Variants in SGK3 observed in about 807,000 individuals in gnomAD.
The protein encoded by SGK3 is serine/threonine-protein kinase Sgk3.
A neutral mutation model predicts 68.5 loss-of-function variants in SGK3; 47 were observed. The ratio of observed to expected loss-of-function variants is 0.69; its 90% CI spans 0.54 to 0.87. The LOEUF is 0.87. Ranked by LOEUF, SGK3 falls within the 40% of genes least tolerant of loss-of-function variation. The pLI, the probability that SGK3 is intolerant of heterozygous loss-of-function variation, is 0.00. For synonymous variants in SGK3, 181 were observed against 189.1 expected (o/e 0.96, Z 0.35); for missense variants, 479 against 575.5 (o/e 0.83, Z 1.72).
intron 1 of SGK3, among the ~76,000 whole-genome samples, chr8:66,721,112 G>A (rs1804782464): frequency 6.6e-6 from 1 of 152,212 alleles, no homozygotes; most frequent in Admixed American, 6.5e-5. Flanking sequence ...ATCATAGGCT[G>A]TCTCAGAGTC....
chr8:66,833,919 G>A (rs182760097), intron 8 of SGK3, among the ~76,000 whole-genome samples: 176 of 152,216 alleles, frequency 1.2e-3, no homozygotes, highest in African/African-American at 4.1e-3. Context: ...TCGAACTCCC[G>A]ACGTCAGATG....
intron 1 of SGK3, among the ~76,000 whole-genome samples, chr8:66,714,399 T>C (rs765824332): frequency 3.3e-5 from 5 of 151,514 alleles, no homozygotes; most frequent in African/African-American, 1.2e-4. Context: ...AGAGACCCAA[T>C]GTGGTGACTA....
Position 66,793,695 on chromosome 8 carries a change from G to A in SGK3, c.-42G>A, listed in dbSNP as rs199901088. On this transcript the variant is annotated 5_prime_UTR_variant, in exon 2 of 17. Coordinates refer to ENST00000521198, the MANE Select transcript of SGK3 (RefSeq NM_001033578.3). ...TAATTGGGTTTGTCCTCTGCTGACT[G>A]TTTCTTCGGATGCATTTTTTGGTGT... is the stretch of plus-strand genomic sequence containing the variant. 3.8e-6 allele frequency: 6 copies of A among 1,591,216 alleles called. No homozygotes were observed. The African/African-American group carries it at 5.4e-5, about 14-fold the overall frequency.
chr8:66,841,653 TC>T (rs1198762727), intron 13 of SGK3, among the ~76,000 whole-genome samples: 1 of 152,232 alleles, frequency 6.6e-6, no homozygotes, highest in Non-Finnish European at 1.5e-5. Flanking sequence ...TTTATTGGTT[TC>T]TCTTGTTTTT....
chr8:66,759,509 G>A (rs1312556389), intron 1 of SGK3, among the ~76,000 whole-genome samples: 6 of 150,882 alleles, frequency 4.0e-5, no homozygotes, highest in African/African-American at 1.5e-4. Context: ...TTGGCTCACT[G>A]CAACCTCTAC....
At position 66,843,524 on chromosome 8, in the gene SGK3, C is replaced by T; in HGVS notation, c.1051C>T (p.Leu351=). The T allele has an allele frequency of 1.2e-6, 2 of 1,613,986 alleles. No homozygotes were observed. Among genetic ancestry groups the T allele is most frequent in the Non-Finnish European group, 1.7e-6 (2 of 1,179,966 alleles). The part of the protein sequence containing the change: ...TVDWWCLGAV[L]YEMLYGLPPF... ...AGATTGGTGGTGCCTTGGGGCTGTT[C>T]TGTATGAAATGCTGTATGGATTGGT... Residue 351 remains leucine (L), a synonymous_variant, in exon 14 of 17, where the codon CTG becomes TTG. Coordinates refer to ENST00000521198, the MANE Select transcript of SGK3 (RefSeq NM_001033578.3).
chr8:66,767,872 C>T (rs757650336), intron 1 of SGK3: 14 of 1,339,594 alleles, frequency 1.0e-5, no homozygotes, highest in Admixed American at 3.4e-5. Flanking sequence ...TTTGCCAAAA[C>T]ATGATATTGA....
chr8:66,719,133 T>TA (rs1231108184), intron 1 of SGK3, among the ~76,000 whole-genome samples: 5 of 152,068 alleles, frequency 3.3e-5, no homozygotes, highest in African/African-American at 4.8e-5. Flanking sequence ...GCATATGTAA[T>TA]AAAAAAATAC....
At chr8:66,794,045 G>A (rs1807574613) in intron 2 of SGK3, among the ~76,000 whole-genome samples, 1 of 151,978 alleles carries the variant, frequency 6.6e-6, no homozygotes, top group South Asian at 2.1e-4. Flanking sequence ...TATCTTCTTG[G>A]AGAATTGTAT....
chr8:66,772,095 T>G (rs1165305088), intron 1 of SGK3, among the ~76,000 whole-genome samples: 1 of 338 alleles, frequency 3.0e-3, no homozygotes, highest in African/African-American at 9.4e-3. Context: ...GATACTGAAT[T>G]TTTTTTTTTT....
chr8:66,849,126 G>A (rs1810159522), intron 15 of SGK3, among the ~76,000 whole-genome samples: 2 of 151,976 alleles, frequency 1.3e-5, no homozygotes, highest in Admixed American at 6.5e-5. Context: ...TGTCTTCCTG[G>A]GCAATCTCAA....
intron 1 of SGK3, among the ~76,000 whole-genome samples, chr8:66,772,888 G>C (rs963945090): frequency 2.6e-5 from 4 of 152,052 alleles, no homozygotes; most frequent in African/African-American, 9.7e-5. Context: ...CAAAGTGCTG[G>C]GATTACAGGT....
At chr8:66,784,948 T>C (rs2130540910) in intron 1 of SGK3, among the ~76,000 whole-genome samples, 1 of 152,324 alleles carries the variant, frequency 6.6e-6, no homozygotes, top group East Asian at 1.9e-4. Flanking sequence ...TATTTCATAA[T>C]TAGCCCTTGG....
Position 66,849,925 on chromosome 8 carries a change from AAAAC to A in SGK3, c.1231-898_1231-895del, listed in dbSNP as rs372821279. On this transcript the variant is annotated intron_variant, in intron 15 of 16. Transcript: ENST00000521198. Reference sequence around the variant, plus strand: ...ATTTCTCACCAACCTGATGCTTTAAAAAACAAACAAATAGAAAAACCAGTTGTGA... The same window carrying A: ...ATTTCTCACCAACCTGATGCTTTAAAAAACAAATAGAAAAACCAGTTGTGA... 4.2e-3 allele frequency among the ~76,000 whole-genome samples: 642 copies of A among 152,312 alleles called. 5 individuals are homozygous for A. The highest frequency in any genetic ancestry group is 0.015 in the African/African-American group (610 of 41,568).
chr8:66,715,693 A>G, intron 1 of SGK3, among the ~76,000 whole-genome samples: 1 of 152,230 alleles, frequency 6.6e-6, no homozygotes. Flanking sequence ...GGGTCTTTAA[A>G]AACACACACA....
chr8:66,732,306 T>C (rs997337779), intron 1 of SGK3, among the ~76,000 whole-genome samples: 11 of 152,204 alleles, frequency 7.2e-5, no homozygotes, highest in African/African-American at 2.6e-4. Flanking sequence ...CCATCAACCA[T>C]GAGTTTGTGA....
chr8:66,714,607 G>A (rs1179083749), intron 1 of SGK3, among the ~76,000 whole-genome samples: 2 of 152,160 alleles, frequency 1.3e-5, no homozygotes, highest in Admixed American at 6.6e-5. Flanking sequence ...CTTGAAGCAA[G>A]AAGGCTCATG....
chr8:66,746,293 T>G (rs1207635195), intron 1 of SGK3, among the ~76,000 whole-genome samples: 1 of 152,202 alleles, frequency 6.6e-6, no homozygotes, highest in African/African-American at 2.4e-5. Flanking sequence ...CTCTTTTCTT[T>G]TGCATTTTCC....
chr8:66,859,768 A>T lies in SGK3; in HGVS notation c.*187A>T. 2 of 568,906 alleles carry T rather than the reference A, an allele frequency of 3.5e-6. No individual in the cohort carries two copies. Among genetic ancestry groups the T allele is most frequent in the Non-Finnish European group, 5.4e-6 (2 of 370,198 alleles). The allele number at this position is 568,906 out of a possible 1,614,324, so 35.2% of individuals were successfully genotyped here. On this transcript the variant is annotated 3_prime_UTR_variant, in exon 17 of 17. Coordinates refer to ENST00000521198, the MANE Select transcript of SGK3 (RefSeq NM_001033578.3). ...TAGGGCATTTCAAAGAGCTGTTTTG[A>T]TTAAAATTTATATTCTTGTTTAATA... is the stretch of plus-strand genomic sequence containing the variant.
Sources: gnomAD v4.1 joint callset for allele counts (sites outside exome capture counted in the v4.1 genomes callset) on GRCh38, gnomAD v4.1.1 for gene constraint, MANE v1.5 for transcripts, NCBI Gene and HGNC (gene_info 2026-07-23, HGNC 2026-07-21) for gene names.